Variants in FKBP9 observed in about 807,000 individuals in gnomAD.
FKBP9 encodes peptidyl-prolyl cis-trans isomerase FKBP9.
In FKBP9, 27 loss-of-function variants were observed where a neutral mutation model predicts 55.6. The observed-to-expected ratio is 0.49, with a 90% CI of 0.36 to 0.67. The LOEUF (loss-of-function observed/expected upper bound fraction) is 0.67, where lower values mean the gene tolerates loss of function less well. Ranked by LOEUF, FKBP9 falls within the 30% of genes least tolerant of loss-of-function variation. FKBP9 has a pLI of 0.00. For synonymous variants in FKBP9, 267 were observed against 296.5 expected (o/e 0.90, Z 1.02); for missense variants, 539 against 742.8 (o/e 0.73, Z 3.19).
intron 7 of FKBP9, among the ~76,000 whole-genome samples, chr7:32,999,511 C>G (rs1474705258): frequency 1.4e-5 from 2 of 147,730 alleles, no homozygotes; most frequent in South Asian, 4.4e-4. Context: ...CTGCTACAGA[C>G]ATAAACACTT....
At chr7:32,975,456 G>A in intron 3 of FKBP9, 85 bp downstream of exon 3, 2 of 1,068,562 alleles carry the variant, frequency 1.9e-6, no homozygotes, top group Non-Finnish European at 2.8e-6. Flanking sequence ...TTATGCTGAT[G>A]GGGATACCAG....
intron 1 of FKBP9, among the ~76,000 whole-genome samples, chr7:32,963,053 G>A (rs1242290666): frequency 6.6e-6 from 1 of 152,214 alleles, no homozygotes. Flanking sequence ...CCGTTCCAGG[G>A]AAGGAAGGAT....
At position 32,958,191 on chromosome 7, in the gene FKBP9, C is replaced by T. The variant is rs528934161; in HGVS notation, c.221+397C>T. ...TTCGCCCTTTCCTGTTCCTTCCCTC[C>T]GCTCCCTTGGGAATCTAGTCAGATG... is the stretch of plus-strand genomic sequence containing the variant. On this transcript the variant is annotated intron_variant, in intron 1 of 9. Transcript: ENST00000242209. 2.2e-4 allele frequency among the ~76,000 whole-genome samples: 34 copies of T among 152,274 alleles called. No homozygotes were observed. The South Asian group carries it at 3.9e-3, about 18-fold the overall frequency.
In FKBP9 at chr7:32,976,442, G is replaced by A. The variant is rs1784365214; in HGVS notation, c.646G>A (p.Gly216Ser). The A allele has an allele frequency of 6.2e-7, 1 of 1,613,648 alleles. No individual in the cohort carries two copies. The highest frequency in any genetic ancestry group is 1.3e-5 in the African/African-American group (1 of 74,858). ...TAAAGGGCTGCTGGGGATGTGTGTG[G>A]GTGAGAAGCGCATCATCACCATTCC... ...MDKGLLGMCV[G>S]EKRIITIPPF... is the part of the protein sequence containing the mutation. Residue 216 changes from glycine (G) to serine (S), a missense_variant, in exon 4 of 10, where the codon GGT (glycine) becomes AGT (serine). Gly to Ser is a moderately conservative substitution (Grantham distance 56, BLOSUM62 0). Coordinates refer to ENST00000242209, the MANE Select transcript of FKBP9 (RefSeq NM_007270.5).
Position 32,988,575 on chromosome 7 carries a change from G to C in FKBP9, c.962G>C (p.Gly321Ala). 6.2e-7 allele frequency: 1 copy of C among 1,613,926 alleles called. No homozygotes were observed. The highest frequency in any genetic ancestry group is 8.5e-7 in the Non-Finnish European group (1 of 1,179,840). ...QGYVIPGMDE[G>A]LLGVCIGEKR... ...TACGTGATTCCTGGGATGGATGAAG[G>C]TCTACTTGGTGTTTGCATTGGAGAA... is the stretch of plus-strand genomic sequence containing the variant. The change falls in exon 6 of 10, where the codon GGT becomes GCT. Residue 321 changes from glycine (G) to alanine (A), a missense_variant. Gly to Ala is a moderately conservative substitution (Grantham distance 60, BLOSUM62 0). Transcript: ENST00000242209.
Position 33,002,737 on chromosome 7 carries a change from T to C in FKBP9, c.1434T>C (p.Ala478=). Residue 478 remains alanine, a synonymous_variant, in exon 9 of 10, where the codon GCT becomes GCC. Transcript: ENST00000242209. ...ACATTGAGCTGCTGGAGCTGGTGGCTGGCCTTCCTGAGGGGTACATGTTCA... is the reference window on the plus strand; with the variant it reads ...ACATTGAGCTGCTGGAGCTGGTGGCCGGCCTTCCTGAGGGGTACATGTTCA... The part of the protein sequence containing the change: ...VFDIELLELV[A]GLPEGYMFIW... 5 of 1,614,182 alleles carry C rather than the reference T, an allele frequency of 3.1e-6. No homozygotes were observed. Among genetic ancestry groups the C allele is most frequent in the Non-Finnish European group, 4.2e-6 (5 of 1,180,030 alleles).
chr7:32,984,621 T>C (rs1784541505), intron 5 of FKBP9, among the ~76,000 whole-genome samples: 1 of 152,158 alleles, frequency 6.6e-6, no homozygotes, highest in Non-Finnish European at 1.5e-5. Flanking sequence ...AAAATGTAAA[T>C]TTCCTGTCAG....
Position 33,006,341 on chromosome 7 carries a change from C to T in FKBP9, c.*990C>T, listed in dbSNP as rs1785041858. On this transcript the variant is annotated 3_prime_UTR_variant, in exon 10 of 10. Transcript: ENST00000242209. ...CTGTGTTGGCCAGGATGGTCTCAAT[C>T]TCGACCTCGTGATCCGCCCACCTTG... The T allele has an allele frequency of 5.1e-6, 1 of 194,940 alleles. No homozygotes were observed. Among genetic ancestry groups the T allele is most frequent in the Admixed American group, 6.1e-5 (1 of 16,446 alleles). 12.1% of individuals were successfully genotyped at this position (194,940 alleles called of 1,614,324 possible).
At chr7:32,982,235 G>A (rs1784491762) in intron 5 of FKBP9, among the ~76,000 whole-genome samples, 1 of 152,060 alleles carries the variant, frequency 6.6e-6, no homozygotes, top group South Asian at 2.1e-4. Flanking sequence ...TGGCCAGGCT[G>A]GTCTCGAACT....
intron 4 of FKBP9, among the ~76,000 whole-genome samples, chr7:32,977,312 C>G (rs1453160468): frequency 6.6e-6 from 1 of 152,196 alleles, no homozygotes; most frequent in Non-Finnish European, 1.5e-5. Flanking sequence ...GGGATATGTT[C>G]TGAGAAAGGC....
At chr7:32,999,999 A>G (rs550794875) in intron 7 of FKBP9, 116 bp from the exon 8 acceptor site, 3 of 1,142,158 alleles carry the variant, frequency 2.6e-6, no homozygotes, top group African/African-American at 3.1e-5. Context: ...ATGATTAGAT[A>G]GGGATTTGCA....
intron 1 of FKBP9, among the ~76,000 whole-genome samples, chr7:32,958,576 G>T (rs777762836): frequency 1.3e-5 from 2 of 152,062 alleles, no homozygotes; most frequent in African/African-American, 2.4e-5. Context: ...CGGGAGGATC[G>T]CTTGAGCCCA....
intron 6 of FKBP9, among the ~76,000 whole-genome samples, chr7:32,989,405 T>C (rs1784640503): frequency 6.6e-6 from 1 of 152,080 alleles, no homozygotes; most frequent in Admixed American, 6.6e-5. Context: ...ATAAAGATTT[T>C]TTTTCCTTTT....
At chr7:32,972,815 C>G (rs1376022038) in intron 1 of FKBP9, among the ~76,000 whole-genome samples, 2 of 152,170 alleles carry the variant, frequency 1.3e-5, no homozygotes, top group Admixed American at 1.3e-4. Flanking sequence ...CTTCACCTCC[C>G]AGGTTCAAGC....
chr7:32,977,870 C>CATGTATATATATATATAT lies in FKBP9; in HGVS notation c.703+1373_703+1374insGTATATATATATATATAT, dbSNP rs780985630. Among the ~76,000 whole-genome samples the CATGTATATATATATATAT allele has an allele frequency of 6.8e-3, 848 of 124,498 alleles. 25 individuals carry two copies. Among genetic ancestry groups the CATGTATATATATATATAT allele is most frequent in the East Asian group, 0.052 (209 of 3,998 alleles). The allele number at this position is 124,498 out of a possible 152,430, so 81.7% of individuals were successfully genotyped here. On this transcript the variant is annotated intron_variant, in intron 4 of 9. Transcript: ENST00000242209. ...ACACTCATATATATATATACATGCC[C>CATGTATATATATATATAT]ATATATATATATGTATATATACACT...
At chr7:32,992,424 G>A in intron 6 of FKBP9, among the ~76,000 whole-genome samples, 1 of 152,184 alleles carries the variant, frequency 6.6e-6, no homozygotes. Context: ...TTTCTTGGGT[G>A]GGCTATTGGC....
intron 1 of FKBP9, among the ~76,000 whole-genome samples, chr7:32,972,671 A>G (rs986046862): frequency 1.3e-5 from 2 of 152,120 alleles, no homozygotes; most frequent in Non-Finnish European, 2.9e-5. Context: ...ATATGCATCT[A>G]TATATGTAAG....
intron 3 of FKBP9, among the ~76,000 whole-genome samples, chr7:32,975,830 T>G (rs1784353814): frequency 6.6e-6 from 1 of 152,110 alleles, no homozygotes; most frequent in Non-Finnish European, 1.5e-5. Context: ...GTATTTTTAA[T>G]AGAGACGGGG....
chr7:32,961,621 C>T (rs530888980), intron 1 of FKBP9, among the ~76,000 whole-genome samples: 301 of 152,238 alleles, frequency 2.0e-3, no homozygotes, highest in African/African-American at 7.0e-3. Flanking sequence ...TGTTAGGAAC[C>T]GGGCTGCACA....
Sources: gnomAD v4.1 joint callset for allele counts (sites outside exome capture counted in the v4.1 genomes callset) on GRCh38, gnomAD v4.1.1 for gene constraint, MANE v1.5 for transcripts, NCBI Gene and HGNC (gene_info 2026-07-23, HGNC 2026-07-21) for gene names.